DNM2: variants seen among roughly 807,000 people sequenced by gnomAD.
DNM2 encodes dynamin-2.
A neutral mutation model predicts 99.0 loss-of-function variants in DNM2; 15 were observed. The observed-to-expected ratio is 0.15, with a 90% CI of 0.10 to 0.23. The LOEUF (loss-of-function observed/expected upper bound fraction) is 0.23, where lower values mean the gene tolerates loss of function less well. Ranked by LOEUF, DNM2 falls within the 10% of genes least tolerant of loss-of-function variation. The probability of loss-of-function intolerance (pLI) is 1.00; values close to 1 mark genes in which losing one functional copy is unlikely to be tolerated. For synonymous variants in DNM2, 525 were observed against 481.2 expected (o/e 1.09, Z -1.19); for missense variants, 742 against 1,189.4 (o/e 0.62, Z 5.53).
At position 10,764,946 on chromosome 19, in the gene DNM2, T is replaced by C. The variant is rs1209993100; in HGVS notation, c.235+5135T>C. Reference sequence around the variant, plus strand: ...CCCGGCAGCACGAGTTATCCTGTTCTTGTTTTTTCTTTTTCTTTTTTTTTT... The same window carrying C: ...CCCGGCAGCACGAGTTATCCTGTTCCTGTTTTTTCTTTTTCTTTTTTTTTT... On this transcript the variant is annotated intron_variant, in intron 2 of 20. Coordinates refer to ENST00000389253, the MANE Select transcript of DNM2 (RefSeq NM_001005361.3). This position sits in a 1 kb window ranked among gnomAD's most constrained non-coding sequence, Gnocchi z 4.1. Among the ~76,000 whole-genome samples, 2 of 151,662 alleles carry C rather than the reference T, an allele frequency of 1.3e-5. No homozygotes were observed. Among genetic ancestry groups the C allele is most frequent in the South Asian group, 2.1e-4 (1 of 4,796 alleles).
chr19:10,774,707 G>C (rs1199312379), intron 3 of DNM2, among the ~76,000 whole-genome samples: 1 of 150,374 alleles, frequency 6.7e-6, no homozygotes, highest in African/African-American at 2.4e-5. Context: ...TTACAGGTGT[G>C]AGCCACTGCG....
At position 10,811,211 on chromosome 19, in the gene DNM2, C is replaced by T; in HGVS notation, c.1558-1053C>T. 1 of 179,246 alleles carries T rather than the reference C, an allele frequency of 5.6e-6. No homozygotes were observed. Among genetic ancestry groups the T allele is most frequent in the Non-Finnish European group, 1.2e-5 (1 of 83,636 alleles). The allele number at this position is 179,246 out of a possible 1,614,324, so 11.1% of individuals were successfully genotyped here. A position where few individuals can be genotyped will look rare whatever the true frequency, so the allele number is the denominator to read the frequency against. The stretch of plus-strand genomic sequence containing the variant: ...CTTTAGCCACCTCCGTCTTCATGGC[C>T]ACCTGGGGCTTAGCACTCACATCCA... On this transcript the variant is annotated intron_variant, in intron 14 of 20. Transcript: ENST00000389253. This position sits in a 1 kb window ranked among gnomAD's most constrained non-coding sequence, Gnocchi z 5.4.
rs552658516 is a variant in DNM2 at position 10,728,136 on chromosome 19, C to T, written c.161+9733C>T. Among the ~76,000 whole-genome samples the T allele has an allele frequency of 3.3e-5, 5 of 152,254 alleles. No individual in the cohort carries two copies. The South Asian group carries it at 1.0e-3, about 32-fold the overall frequency. ...CTGTGGCGTCACCCGTAGCTTGAAC[C>T]GGGAGCTGGATGACTGTTTCAGTTT... On this transcript the variant is annotated intron_variant, in intron 1 of 20. Coordinates refer to ENST00000389253, the MANE Select transcript of DNM2 (RefSeq NM_001005361.3).
chr19:10,728,595 A>G (rs888987952), intron 1 of DNM2, among the ~76,000 whole-genome samples: 1 of 152,160 alleles, frequency 6.6e-6, no homozygotes, highest in African/African-American at 2.4e-5. Flanking sequence ...ACTCTACACC[A>G]GTTGCTGGGC....
In DNM2 at chr19:10,765,475, C is replaced by T. The variant is rs978360702; in HGVS notation, c.235+5664C>T. 6.6e-6 allele frequency among the ~76,000 whole-genome samples: 1 copy of T among 152,264 alleles called. No homozygotes were observed. The highest frequency in any genetic ancestry group is 1.5e-5 in the Non-Finnish European group (1 of 68,048). On this transcript the variant is annotated intron_variant, in intron 2 of 20. Coordinates refer to ENST00000389253, the MANE Select transcript of DNM2 (RefSeq NM_001005361.3). The surrounding 1 kb of genome is among the most constrained non-coding windows in gnomAD (Gnocchi z 4.4). ...TTCCCCTGGTGAGCCTGGTCCATCA[C>T]TCTGCCATTCCATCTGCAGCCTTGT...
At position 10,795,563 on chromosome 19, in the gene DNM2, TTCTGTAG is replaced by T; in HGVS notation, c.1196+125_1196+131del. The T allele has an allele frequency of 8.7e-7, 1 of 1,148,384 alleles. No homozygotes were observed. The highest frequency in any genetic ancestry group is 2.4e-5 in the East Asian group (1 of 42,022). 71.1% of individuals were successfully genotyped at this position (1,148,384 alleles called of 1,614,324 possible). A position where few individuals can be genotyped will look rare whatever the true frequency, so the allele number is the denominator to read the frequency against. ...GCCTTAAGAGGGCTCTTGGATGGTT[TTCTGTAG>T]CTGCGAGCCCCTCCCTGAGGGTCTC... On this transcript the variant is annotated intron_variant, in intron 9 of 20. Transcript: ENST00000389253. This position sits in a 1 kb window ranked among gnomAD's most constrained non-coding sequence, Gnocchi z 4.2.
At chr19:10,770,985 G>T (rs2070956979) in intron 2 of DNM2, among the ~76,000 whole-genome samples, 1 of 152,118 alleles carries the variant, frequency 6.6e-6, no homozygotes, top group African/African-American at 2.4e-5. Context: ...TAGAGACGGG[G>T]TCTCACTGTG....
At position 10,793,827 on chromosome 19, in the gene DNM2, A is replaced by G; in HGVS notation, c.1100A>G (p.His367Arg). 6.2e-7 allele frequency: 1 copy of G among 1,614,116 alleles called. No individual in the cohort carries two copies. ...GGCGCCCGAATCAATCGCATCTTCCACGAGCGGTTCCCATTTGAGCTGGTG... is the reference window on the plus strand; with the variant it reads ...GGCGCCCGAATCAATCGCATCTTCCGCGAGCGGTTCCCATTTGAGCTGGTG... The part of the protein sequence containing the change: ...SGGARINRIF[H>R]ERFPFELVKM... The change falls in exon 8 of 21, where the codon CAC becomes CGC. Residue 367 changes from histidine (H) to arginine (R), a missense_variant. Physicochemically the swap from His to Arg is conservative, Grantham distance 29 (BLOSUM62 0). Around this residue, in one of 7 missense-constraint regions of DNM2, gnomAD observed 13 missense variants for 61.3 expected, o/e 0.21. Transcript: ENST00000389253.
chr19:10,829,975 G>A lies in DNM2; in HGVS notation c.2292-152G>A. ...GAGGGGGCCGAGGGCAAGGGAAGGT[G>A]GGACTGGCGCTCAGGTTGGGGTGGG... On this transcript the variant is annotated intron_variant, in intron 19 of 20. Transcript: ENST00000389253. 3 of 1,179,756 alleles carry A rather than the reference G, an allele frequency of 2.5e-6. No individual in the cohort carries two copies. The East Asian group carries it at 7.0e-5, about 28-fold the overall frequency. 73.1% of individuals were successfully genotyped at this position (1,179,756 alleles called of 1,614,324 possible). A position where few individuals can be genotyped will look rare whatever the true frequency, so the allele number is the denominator to read the frequency against.
At chr19:10,752,935 G>T (rs2070248383) in intron 1 of DNM2, among the ~76,000 whole-genome samples, 1 of 152,114 alleles carries the variant, frequency 6.6e-6, no homozygotes, top group African/African-American at 2.4e-5. Flanking sequence ...GACACAGTGA[G>T]ACTCTGTCTG....
At position 10,830,402 on chromosome 19, in the gene DNM2, A is replaced by AC; in HGVS notation, c.2543+28dup. Reference sequence around the variant, plus strand: ...AGGTAAGGCCAACCCCCTGCCCTCCACCCCAACTGCCTGCACCCTGGGGTC... The same window carrying AC: ...AGGTAAGGCCAACCCCCTGCCCTCCACCCCCAACTGCCTGCACCCTGGGGTC... On this transcript the variant is annotated intron_variant, in intron 20 of 20. Transcript: ENST00000389253. This position sits in a 1 kb window ranked among gnomAD's most constrained non-coding sequence, Gnocchi z 4.8. 6.2e-7 allele frequency: 1 copy of AC among 1,601,496 alleles called. No individual in the cohort carries two copies. Among genetic ancestry groups the AC allele is most frequent in the Non-Finnish European group, 8.5e-7 (1 of 1,177,042 alleles).
intron 8 of DNM2, among the ~76,000 whole-genome samples, chr19:10,794,237 A>T (rs558782779): frequency 2.0e-5 from 3 of 152,114 alleles, no homozygotes; most frequent in Non-Finnish European, 4.4e-5. Context: ...CAACATCCTT[A>T]TGTATGAAAC....
chr19:10,827,926 A>G (rs2073197889), intron 18 of DNM2, among the ~76,000 whole-genome samples: 1 of 152,166 alleles, frequency 6.6e-6, no homozygotes, highest in African/African-American at 2.4e-5. Context: ...GAGGTTCCAG[A>G]AAGGACAATG....
At chr19:10,829,928 G>A (rs568632893) in intron 19 of DNM2, among the ~76,000 whole-genome samples, 199 bp from the exon 20 acceptor site, 3 of 152,134 alleles carry the variant, frequency 2.0e-5, no homozygotes, top group Non-Finnish European at 4.4e-5. Context: ...GCCTGAGGGG[G>A]CCCTGTGAGT....
chr19:10,789,102 G>A (rs985763387), intron 7 of DNM2, among the ~76,000 whole-genome samples: 2 of 152,216 alleles, frequency 1.3e-5, no homozygotes, highest in Admixed American at 1.3e-4. Context: ...GGAGGCTGAG[G>A]CAGGAGAATC....
At chr19:10,761,058 G>A (rs1292797286) in intron 2 of DNM2, among the ~76,000 whole-genome samples, 1 of 151,478 alleles carries the variant, frequency 6.6e-6, no homozygotes, top group East Asian at 1.9e-4. Flanking sequence ...GCGTGATCTC[G>A]GCTCACTGCA....
At chr19:10,760,827 ATT>A (rs57290103) in intron 2 of DNM2, among the ~76,000 whole-genome samples, 2 of 41,260 alleles carry the variant, frequency 4.8e-5, no homozygotes, top group African/African-American at 9.4e-5. Context: ...CACCCAGCTG[ATT>A]TTTTTTTTTT....
intron 15 of DNM2, among the ~76,000 whole-genome samples, chr19:10,819,277 A>G (rs2072888536): frequency 6.6e-6 from 1 of 152,146 alleles, no homozygotes; most frequent in African/African-American, 2.4e-5. Flanking sequence ...AATAATAAAG[A>G]AAGGGAGTAA....
At position 10,795,581 on chromosome 19, in the gene DNM2, C is replaced by T. The variant is rs977721957; in HGVS notation, c.1196+142C>T. 69 of 933,522 alleles carry T rather than the reference C, an allele frequency of 7.4e-5. No individual in the cohort carries two copies. Among genetic ancestry groups the T allele is most frequent in the Non-Finnish European group, 9.8e-5 (58 of 590,972 alleles). 57.8% of individuals were successfully genotyped at this position (933,522 alleles called of 1,614,324 possible). ...GATGGTTTTCTGTAGCTGCGAGCCC[C>T]TCCCTGAGGGTCTCCAAGGGCACAT... On this transcript the variant is annotated intron_variant, in intron 9 of 20. Coordinates refer to ENST00000389253, the MANE Select transcript of DNM2 (RefSeq NM_001005361.3). The surrounding 1 kb of genome is among the most constrained non-coding windows in gnomAD (Gnocchi z 4.2).
Sources: allele counts gnomAD v4.1 joint callset (sites outside exome capture counted in the v4.1 genomes callset), GRCh38; gene constraint gnomAD v4.1.1; regional missense constraint gnomAD v4.1.1; non-coding constraint Gnocchi (gnomAD v3.1); transcripts MANE v1.5; gene names NCBI Gene and HGNC (gene_info 2026-07-23, HGNC 2026-07-21).